COQ5: variants seen among roughly 807,000 people sequenced by gnomAD.
The protein encoded by COQ5 is coenzyme Q5, methyltransferase, also known as 2-methoxy-6-polyprenyl-1,4-benzoquinol methylase, mitochondrial.
A neutral mutation model predicts 40.5 loss-of-function variants in COQ5; 27 were observed. That is an observed-to-expected ratio of 0.67 (90% CI 0.49 to 0.92). COQ5 has a LOEUF of 0.92. Among genes scored for constraint, COQ5 ranks in the 40% least tolerant of loss-of-function variants. The probability of loss-of-function intolerance (pLI) is 0.00; values close to 1 mark genes in which losing one functional copy is unlikely to be tolerated. For missense variants in COQ5, 409 were observed against 406.4 expected (o/e 1.01, Z -0.06); for synonymous variants, 141 against 150.0 (o/e 0.94, Z 0.44).
At chr12:120,518,426 C>CA (rs1216184668) in intron 2 of COQ5, among the ~76,000 whole-genome samples, 11,124 of 70,778 alleles carry the variant, frequency 0.16, 588 homozygotes, top group Non-Finnish European at 0.18. Flanking sequence ...AGACCGTTTC[C>CA]AAAAAAAAAA....
intron 3 of COQ5, among the ~76,000 whole-genome samples, chr12:120,515,559 G>A (rs1008905614): frequency 2.0e-5 from 3 of 152,218 alleles, no homozygotes; most frequent in Non-Finnish European, 4.4e-5. Flanking sequence ...TGGGTCCTCT[G>A]AGAAACATGC....
At chr12:120,523,944 AG>A (rs1230336799) in intron 1 of COQ5, 1 of 421,214 alleles carries the variant, frequency 2.4e-6, no homozygotes, top group South Asian at 1.7e-5. Context: ...TGGAAGGTAG[AG>A]GTTGCAGTGA....
At chr12:120,510,216 G>A in intron 3 of COQ5, 93 bp from the exon 4 acceptor site, 2 of 986,802 alleles carry the variant, frequency 2.0e-6, no homozygotes. Context: ...GAGCTGGAGA[G>A]CCCAAGTCCT....
At chr12:120,519,918 T>C (rs956501982) in intron 2 of COQ5, among the ~76,000 whole-genome samples, 6 of 150,982 alleles carry the variant, frequency 4.0e-5, no homozygotes, top group African/African-American at 9.7e-5. Context: ...ATATGCATTT[T>C]AGATTTTGGT....
intron 3 of COQ5, among the ~76,000 whole-genome samples, chr12:120,512,196 C>T (rs572832673): frequency 6.6e-5 from 10 of 151,886 alleles, no homozygotes; most frequent in African/African-American, 1.9e-4. Flanking sequence ...GGTGACAGAA[C>T]GAGACTCCGT....
intron 3 of COQ5, among the ~76,000 whole-genome samples, chr12:120,513,400 G>A (rs1327530188): frequency 6.6e-6 from 1 of 151,050 alleles, no homozygotes; most frequent in Non-Finnish European, 1.5e-5. Context: ...TGCTGCGGAG[G>A]CTGAGGCAAG....
chr12:120,515,382 G>A (rs1204210567), intron 3 of COQ5, among the ~76,000 whole-genome samples: 4 of 152,248 alleles, frequency 2.6e-5, no homozygotes, highest in South Asian at 2.1e-4. Flanking sequence ...GAGCCACCTC[G>A]CTGCCACAAT....
At chr12:120,517,216 G>T (rs1011830792) in intron 2 of COQ5, among the ~76,000 whole-genome samples, 1 of 151,912 alleles carries the variant, frequency 6.6e-6, no homozygotes, top group Non-Finnish European at 1.5e-5. Flanking sequence ...GCCAGGTGTG[G>T]TGGCAGGCGC....
Position 120,522,711 on chromosome 12 carries a change from G to C in COQ5, c.203-348C>G. On this transcript the variant is annotated intron_variant, in intron 1 of 6. Coordinates refer to ENST00000288532, the MANE Select transcript of COQ5 (RefSeq NM_032314.4). ...CGGGCACCTTTGGGAGCCTAAGCTG[G>C]AGCTGCAGCCTGGGCCTTGGTTTGA... 4.6e-6 allele frequency: 3 copies of C among 656,938 alleles called. No homozygotes were observed. The Admixed American group carries it at 7.2e-5, about 16-fold the overall frequency. The allele number at this position is 656,938 out of a possible 1,614,324, so 40.7% of individuals were successfully genotyped here.
Position 120,529,047 on chromosome 12 carries a change from G to A in COQ5, c.95C>T (p.Ser32Phe), listed in dbSNP as rs771920119. ...AGCACTTAGTAGGTCCCCGGGCCAA[G>A]AGCTACGAAGCCCGAGGAGCTGGCA... The part of the protein sequence containing the change: ...RGCQLLGLRS[S>F]WPGDLLSARL... Residue 32 changes from serine (S) to phenylalanine (F), a missense_variant, in exon 1 of 7, where the codon TCT becomes TTT. Coordinates refer to ENST00000288532, the MANE Select transcript of COQ5 (RefSeq NM_032314.4). 7 of 1,614,164 alleles carry A rather than the reference G, an allele frequency of 4.3e-6. No homozygotes were observed. The highest frequency in any genetic ancestry group is 5.9e-6 in the Non-Finnish European group (7 of 1,180,034).
In COQ5 at chr12:120,529,157, A is replaced by C. The variant is rs552681023; in HGVS notation, c.-16T>G. ...GGGCCGCCATCTTGGTAGTCGAGTGACAACGGCCAGAGAGTACGCCTTGTT... is the reference window on the plus strand; with the variant it reads ...GGGCCGCCATCTTGGTAGTCGAGTGCCAACGGCCAGAGAGTACGCCTTGTT... On this transcript the variant is annotated 5_prime_UTR_variant, in exon 1 of 7. Coordinates refer to ENST00000288532, the MANE Select transcript of COQ5 (RefSeq NM_032314.4). 58 of 1,606,630 alleles carry C rather than the reference A, an allele frequency of 3.6e-5. No homozygotes were observed. The highest frequency in any genetic ancestry group is 1.7e-4 in the Admixed American group (10 of 59,162).
At chr12:120,522,796 A>G in intron 1 of COQ5, 2 of 668,890 alleles carry the variant, frequency 3.0e-6, no homozygotes, top group South Asian at 1.8e-5. Flanking sequence ...AGGAATGAGC[A>G]CATTTCCCAA....
intron 1 of COQ5, chr12:120,527,058 C>A (rs1011118148): frequency 2.6e-5 from 4 of 151,358 alleles, no homozygotes; most frequent in East Asian, 1.9e-4. Context: ...GAATTTAATT[C>A]TCAAGGTTTC....
At chr12:120,525,732 A>G (rs749651833) in intron 1 of COQ5, among the ~76,000 whole-genome samples, 2 of 151,818 alleles carry the variant, frequency 1.3e-5, no homozygotes, top group Non-Finnish European at 2.9e-5. Context: ...AGACCATCCT[A>G]GCTAACACAG....
chr12:120,504,738 A>T, intron 5 of COQ5, 157 bp downstream of exon 5: 1 of 699,824 alleles, frequency 1.4e-6, no homozygotes, highest in South Asian at 1.5e-5. Context: ...CTGGTTTGAG[A>T]CTCTTGTGGC....
intron 1 of COQ5, chr12:120,522,908 G>A (rs954309515): frequency 1.7e-5 from 12 of 717,668 alleles, no homozygotes; most frequent in Admixed American, 7.9e-5. Flanking sequence ...CCTTGATAGC[G>A]TCAGCACGTG....
chr12:120,523,043 AAG>A (rs1491066092), intron 1 of COQ5: 17 of 471,036 alleles, frequency 3.6e-5, no homozygotes, highest in Non-Finnish European at 5.6e-5. Flanking sequence ...ATAAAAAAAA[AAG>A]AGATTCTTAT....
Position 120,522,207 on chromosome 12 carries a change from A to C in COQ5, c.352+7T>G. The C allele has an allele frequency of 6.2e-7, 1 of 1,614,176 alleles. No individual in the cohort carries two copies. Among genetic ancestry groups the C allele is most frequent in the Non-Finnish European group, 8.5e-7 (1 of 1,180,022 alleles). ...ATGGTAGTGAAGGATACCAAACTCG[A>C]CATTACCTGTGCCTCCAGCAACATC... On this transcript the variant is annotated splice_region_variant and intron_variant, in intron 2 of 6. Transcript: ENST00000288532.
chr12:120,509,104 A>G (rs1869014938), intron 4 of COQ5, among the ~76,000 whole-genome samples: 1 of 152,128 alleles, frequency 6.6e-6, no homozygotes, highest in Non-Finnish European at 1.5e-5. Flanking sequence ...AACCAAGCTG[A>G]TGAACACCAT....
Sources: allele counts gnomAD v4.1 joint callset (sites outside exome capture counted in the v4.1 genomes callset), GRCh38; gene constraint gnomAD v4.1.1; transcripts MANE v1.5; gene names NCBI Gene and HGNC (gene_info 2026-07-23, HGNC 2026-07-21).